PKD1L1: variants seen among roughly 807,000 people sequenced by gnomAD.
PKD1L1 encodes the protein polycystin 1 like 1, transient receptor potential channel interacting.
PKD1L1 carries 236 observed loss-of-function variants against 323.4 expected under a neutral mutation model. That is an observed-to-expected ratio of 0.73 (90% CI 0.66 to 0.81). PKD1L1 has a LOEUF of 0.81. PKD1L1 is among the 40% of genes least tolerant of loss of function. The pLI is 0.00. For missense variants in PKD1L1, 3,320 were observed against 3,508.0 expected, an observed-to-expected ratio of 0.95 and a Z score of 1.35; for synonymous variants, 1,344 against 1,335.0, an observed-to-expected ratio of 1.01 and a Z score of -0.15.
chr7:47,807,327 C>T (rs148423640), intron 52 of PKD1L1, among the ~76,000 whole-genome samples: 6 of 152,128 alleles, frequency 3.9e-5, no homozygotes, highest in South Asian at 2.1e-4. Flanking sequence ...GTAGAGGAAA[C>T]GAGCCTCATC....
chr7:47,785,208 C>A (rs1439066273), intron 56 of PKD1L1, among the ~76,000 whole-genome samples: 2 of 152,154 alleles, frequency 1.3e-5, no homozygotes, highest in East Asian at 3.9e-4. Context: ...CGACCCCTCT[C>A]GGCTTCACAT....
At chr7:47,861,612 G>A (rs1489719550) in intron 26 of PKD1L1, among the ~76,000 whole-genome samples, 1 of 152,198 alleles carries the variant, frequency 6.6e-6, no homozygotes, top group African/African-American at 2.4e-5. Context: ...ACTGGGTACG[G>A]TGGCTCACGC....
At chr7:47,781,846 G>A (rs922180262) in intron 56 of PKD1L1, among the ~76,000 whole-genome samples, 2 of 152,140 alleles carry the variant, frequency 1.3e-5, no homozygotes, top group African/African-American at 4.8e-5. Context: ...TATGGTATGA[G>A]GTATAGGTAC....
chr7:47,914,922 G>A (rs1787397125), intron 8 of PKD1L1, among the ~76,000 whole-genome samples: 2 of 152,170 alleles, frequency 1.3e-5, no homozygotes, highest in Non-Finnish European at 2.9e-5. Flanking sequence ...GTAACCTCCT[G>A]AGCAGCCATG....
At chr7:47,794,492 T>G (rs1208312563) in intron 55 of PKD1L1, among the ~76,000 whole-genome samples, 1 of 152,182 alleles carries the variant, frequency 6.6e-6, no homozygotes, top group African/African-American at 2.4e-5. Flanking sequence ...AATTGAGGTT[T>G]AGGAACCTCA....
At chr7:47,894,179 C>A in intron 14 of PKD1L1, 120 bp from the exon 15 acceptor site, 1 of 830,774 alleles carries the variant, frequency 1.2e-6, no homozygotes, top group Non-Finnish European at 1.8e-6. Flanking sequence ...TCCCTGGCTC[C>A]AACTAAAACA....
chr7:47,846,546 T>C (rs1785668639), intron 32 of PKD1L1, among the ~76,000 whole-genome samples: 1 of 152,200 alleles, frequency 6.6e-6, no homozygotes, highest in Non-Finnish European at 1.5e-5. Context: ...ATAAGAAAAC[T>C]GACAGGTTCA....
At position 47,904,296 on chromosome 7, in the gene PKD1L1, G is replaced by A. The variant is rs866873458; in HGVS notation, c.1931+82C>T. On this transcript the variant is annotated intron_variant, in intron 12 of 56. Coordinates refer to ENST00000289672, the MANE Select transcript of PKD1L1 (RefSeq NM_138295.5). ...CGTTGACTGACAGGCAGGTCTCTATGTGGAACCCAAGGGCTGATGCCTTAA... is the reference window on the plus strand; with the variant it reads ...CGTTGACTGACAGGCAGGTCTCTATATGGAACCCAAGGGCTGATGCCTTAA... The A allele has an allele frequency of 3.3e-5, 52 of 1,576,344 alleles. No homozygotes were observed. The Middle Eastern group carries it at 6.0e-4, about 18-fold the overall frequency.
At chr7:47,913,273 C>T (rs948613872) in intron 8 of PKD1L1, among the ~76,000 whole-genome samples, 1 of 152,128 alleles carries the variant, frequency 6.6e-6, no homozygotes, top group Non-Finnish European at 1.5e-5. Flanking sequence ...GGACAAACTT[C>T]AGACAACCAA....
chr7:47,928,268 TAA>T (rs1787691886), intron 7 of PKD1L1, among the ~76,000 whole-genome samples: 2 of 151,668 alleles, frequency 1.3e-5, no homozygotes, highest in Admixed American at 1.3e-4. Flanking sequence ...AAAGTAACTT[TAA>T]AAACAAAAGG....
chr7:47,904,404 G>A lies in PKD1L1; in HGVS notation c.1905C>T (p.Ser635=), dbSNP rs1248287485. 6.2e-7 allele frequency: 1 copy of A among 1,614,084 alleles called. No individual in the cohort carries two copies. The change falls in exon 12 of 57, where the codon AGC becomes AGT. Residue 635 remains serine, a synonymous_variant. Coordinates refer to ENST00000289672, the MANE Select transcript of PKD1L1 (RefSeq NM_138295.5). The part of the protein sequence containing the change: ...DFGDGTVSLG[S]SSSSHVYSRE... ...TACTGTAGACATGGCTGCTGGAGCTGCTCCCCAGGCTGACGGTGCCATCCC... is the reference window on the plus strand; with the variant it reads ...TACTGTAGACATGGCTGCTGGAGCTACTCCCCAGGCTGACGGTGCCATCCC...
chr7:47,878,607 G>A (rs1562969552), intron 21 of PKD1L1, among the ~76,000 whole-genome samples: 1 of 152,176 alleles, frequency 6.6e-6, no homozygotes, highest in Non-Finnish European at 1.5e-5. Flanking sequence ...AAAGGATGAT[G>A]AATCCTGCCT....
intron 14 of PKD1L1, among the ~76,000 whole-genome samples, chr7:47,895,567 G>A (rs1010124722): frequency 1.3e-5 from 2 of 152,180 alleles, no homozygotes; most frequent in African/African-American, 4.8e-5. Flanking sequence ...GGATATAGGA[G>A]TTATGGATAT....
intron 20 of PKD1L1, among the ~76,000 whole-genome samples, chr7:47,881,674 C>T (rs1021392616): frequency 2.0e-5 from 3 of 152,160 alleles, no homozygotes; most frequent in African/African-American, 4.8e-5. Context: ...CTTGGCAGCA[C>T]CCCTCTTCCG....
chr7:47,798,576 C>T lies in PKD1L1; in HGVS notation c.8193+2073G>A, dbSNP rs183056784. Among the ~76,000 whole-genome samples, 63 of 151,898 alleles carry T rather than the reference C, an allele frequency of 4.1e-4. No homozygotes were observed. In the East Asian group the frequency reaches 8.3e-3, roughly 20 times the overall value. ...TTCGAGACCAGCCTTACCAACATGA[C>T]GAAACCCTGTCTCTACTAAAAATAC... On this transcript the variant is annotated intron_variant, in intron 54 of 56. Coordinates refer to ENST00000289672, the MANE Select transcript of PKD1L1 (RefSeq NM_138295.5).
chr7:47,804,726 C>T (rs1279642825), intron 52 of PKD1L1, among the ~76,000 whole-genome samples: 1 of 152,190 alleles, frequency 6.6e-6, no homozygotes, highest in African/African-American at 2.4e-5. Flanking sequence ...CTCAGGCAAT[C>T]TGTCAGCCTT....
intron 56 of PKD1L1, among the ~76,000 whole-genome samples, chr7:47,784,927 A>G (rs73103417): frequency 0.05 from 7,582 of 152,130 alleles, 287 homozygotes; most frequent in Non-Finnish European, 0.077. Flanking sequence ...TTTTCTATCC[A>G]TATACATCAC....
At chr7:47,860,140 T>A (rs780097574) in intron 26 of PKD1L1, among the ~76,000 whole-genome samples, 1 of 152,256 alleles carries the variant, frequency 6.6e-6, no homozygotes, top group Non-Finnish European at 1.5e-5. Context: ...TGTGTAGTGC[T>A]GATAGATGAG....
intron 19 of PKD1L1, among the ~76,000 whole-genome samples, chr7:47,882,561 G>A (rs1370002428): frequency 6.6e-6 from 1 of 152,126 alleles, no homozygotes; most frequent in Non-Finnish European, 1.5e-5. Flanking sequence ...TGAGATGGAG[G>A]TCAGGGAGGT....
Sources: allele counts gnomAD v4.1 joint callset (sites outside exome capture counted in the v4.1 genomes callset), GRCh38; gene constraint gnomAD v4.1.1; transcripts MANE v1.5; gene names NCBI Gene and HGNC (gene_info 2026-07-23, HGNC 2026-07-21).